SGPP2: variants seen among roughly 807,000 people sequenced by gnomAD.
SGPP2 encodes sphingosine 1-phosphate phosphohydrolase 2.
SGPP2 carries 30 observed loss-of-function variants against 33.9 expected under a neutral mutation model. That is an observed-to-expected ratio of 0.89 (90% CI 0.66 to 1.20). The LOEUF is 1.20. SGPP2 is among the 50% of genes most tolerant of loss of function. SGPP2 has a pLI of 0.00. For synonymous variants in SGPP2, 233 were observed against 225.0 expected (o/e 1.04, Z -0.32); for missense variants, 458 against 532.1 (o/e 0.86, Z 1.37).
chr2:222,471,585 A>G (rs1249724483), intron 1 of SGPP2, among the ~76,000 whole-genome samples: 2 of 152,090 alleles, frequency 1.3e-5, no homozygotes, highest in Admixed American at 6.6e-5. Flanking sequence ...TATGCTTAGC[A>G]CTTAGCACAG....
rs1007286784 is a variant in SGPP2 at position 222,465,109 on chromosome 2, C to T, written c.220-9459C>T. On this transcript the variant is annotated intron_variant, in intron 1 of 4. Transcript: ENST00000321276. The surrounding 1 kb of genome is among the most constrained non-coding windows in gnomAD (Gnocchi z 4.1). ...CTATCCTTGGACGCAGCAGAGGGAT[C>T]CCGACAAACGCCCACTAAGCAGGTG... 6.6e-6 allele frequency among the ~76,000 whole-genome samples: 1 copy of T among 152,182 alleles called. No individual in the cohort carries two copies. The highest frequency in any genetic ancestry group is 2.4e-5 in the African/African-American group (1 of 41,438).
intron 1 of SGPP2, among the ~76,000 whole-genome samples, chr2:222,430,610 C>T (rs1697139535): frequency 6.6e-6 from 1 of 152,162 alleles, no homozygotes; most frequent in Non-Finnish European, 1.5e-5. Flanking sequence ...TCAGCCACCA[C>T]AGCCAGCCTC....
chr2:222,472,573 G>C (rs1697861433), intron 1 of SGPP2, among the ~76,000 whole-genome samples: 1 of 152,206 alleles, frequency 6.6e-6, no homozygotes, highest in Non-Finnish European at 1.5e-5. Flanking sequence ...TGGTCAGTAA[G>C]TGAATTGTAG....
chr2:222,452,695 T>C, intron 1 of SGPP2: 2 of 1,368,282 alleles, frequency 1.5e-6, no homozygotes, highest in Non-Finnish European at 2.1e-6. Context: ...TTGCTGCAGC[T>C]TGAATTGCTC....
intron 4 of SGPP2, among the ~76,000 whole-genome samples, chr2:222,554,846 T>A (rs187802988): frequency 6.6e-6 from 1 of 152,366 alleles, no homozygotes; most frequent in African/African-American, 2.4e-5. Context: ...GTGTCTGAAA[T>A]ATATTTTGAA....
intron 2 of SGPP2, among the ~76,000 whole-genome samples, chr2:222,483,281 G>T (rs1421492934): frequency 4.0e-5 from 6 of 151,836 alleles, no homozygotes; most frequent in Non-Finnish European, 8.8e-5. Context: ...AGGAAAATGC[G>T]TAATTGCGTG....
At chr2:222,434,851 G>A (rs1386954480) in intron 1 of SGPP2, among the ~76,000 whole-genome samples, 1 of 151,930 alleles carries the variant, frequency 6.6e-6, no homozygotes, top group Non-Finnish European at 1.5e-5. Flanking sequence ...TAATTAAAGG[G>A]TGGCTGTGAA....
At position 222,479,824 on chromosome 2, in the gene SGPP2, A is replaced by G. The variant is rs1054363589; in HGVS notation, c.378+5098A>G. On this transcript the variant is annotated intron_variant, in intron 2 of 4. Transcript: ENST00000321276. ...GCTAAGGTCTGATTTTTCACACACA[A>G]AAATTTGCAACCTCCAGCATAAATG... Among the ~76,000 whole-genome samples, 6 of 152,090 alleles carry G rather than the reference A, an allele frequency of 3.9e-5. No individual in the cohort carries two copies. The South Asian group carries it at 1.2e-3, about 32-fold the overall frequency.
intron 1 of SGPP2, among the ~76,000 whole-genome samples, chr2:222,450,542 C>T (rs1021697643): frequency 5.3e-5 from 8 of 152,162 alleles, no homozygotes; most frequent in Non-Finnish European, 1.0e-4. Context: ...GGACAGACTC[C>T]ACCTCCAAAA....
At chr2:222,487,745 A>G (rs1698133695) in intron 2 of SGPP2, among the ~76,000 whole-genome samples, 1 of 152,194 alleles carries the variant, frequency 6.6e-6, no homozygotes, top group African/African-American at 2.4e-5. Flanking sequence ...CAGTGGTGGC[A>G]GGCTGGACAA....
intron 3 of SGPP2, among the ~76,000 whole-genome samples, chr2:222,524,728 T>G (rs1331722157): frequency 6.6e-6 from 1 of 152,216 alleles, no homozygotes; most frequent in African/African-American, 2.4e-5. Flanking sequence ...GTTGTGAAAC[T>G]TCCTCCCAGA....
intron 2 of SGPP2, among the ~76,000 whole-genome samples, chr2:222,478,552 G>A (rs907495755): frequency 6.6e-6 from 1 of 152,098 alleles, no homozygotes; most frequent in Non-Finnish European, 1.5e-5. Flanking sequence ...TCTTCAAAGG[G>A]GTAGGGATTA....
intron 1 of SGPP2, among the ~76,000 whole-genome samples, chr2:222,473,474 C>T (rs1487278018): frequency 6.6e-6 from 1 of 152,064 alleles, no homozygotes; most frequent in Non-Finnish European, 1.5e-5. Context: ...TTGAGACCAC[C>T]CAGAAAATCC....
At chr2:222,524,560 TC>T (rs1698729194) in intron 3 of SGPP2, among the ~76,000 whole-genome samples, 1 of 152,376 alleles carries the variant, frequency 6.6e-6, no homozygotes, top group South Asian at 2.1e-4. Context: ...TGGCTATCTA[TC>T]TACCTTGCTT....
At chr2:222,513,410 T>C (rs1267645499) in intron 2 of SGPP2, among the ~76,000 whole-genome samples, 3 of 152,196 alleles carry the variant, frequency 2.0e-5, no homozygotes, top group Non-Finnish European at 1.5e-5. Flanking sequence ...AAAAATGATC[T>C]CGTCTATCTT....
At chr2:222,431,600 G>A (rs888288538) in intron 1 of SGPP2, among the ~76,000 whole-genome samples, 2 of 152,128 alleles carry the variant, frequency 1.3e-5, no homozygotes, top group Non-Finnish European at 2.9e-5. Context: ...AACCAACATG[G>A]GAGGATGAAG....
chr2:222,431,716 C>T (rs1014372684), intron 1 of SGPP2, among the ~76,000 whole-genome samples: 5 of 152,058 alleles, frequency 3.3e-5, no homozygotes, highest in Admixed American at 1.3e-4. Flanking sequence ...ATCCCCTGAC[C>T]AGAGCTGAGG....
intron 4 of SGPP2, among the ~76,000 whole-genome samples, chr2:222,528,410 T>G (rs765132096): frequency 3.3e-5 from 5 of 152,160 alleles, no homozygotes; most frequent in Non-Finnish European, 7.3e-5. Flanking sequence ...TGTTGTCTAG[T>G]AAGTGTGCAA....
chr2:222,503,329 T>C (rs942943425), intron 2 of SGPP2, among the ~76,000 whole-genome samples: 10 of 152,246 alleles, frequency 6.6e-5, no homozygotes, highest in Non-Finnish European at 1.0e-4. Flanking sequence ...TTATGAAATA[T>C]TTCAAACATA....
Sources: allele counts gnomAD v4.1 joint callset (sites outside exome capture counted in the v4.1 genomes callset), GRCh38; gene constraint gnomAD v4.1.1; non-coding constraint Gnocchi (gnomAD v3.1); transcripts MANE v1.5; gene names NCBI Gene and HGNC (gene_info 2026-07-23, HGNC 2026-07-21).